CPOX: variants seen among roughly 807,000 people sequenced by gnomAD.
CPOX encodes the protein coproporphyrinogen oxidase.
In CPOX, 24 loss-of-function variants were observed where a neutral mutation model predicts 48.9. The ratio of observed to expected loss-of-function variants is 0.49; its 90% confidence interval spans 0.36 to 0.69. CPOX has a LOEUF of 0.69. CPOX is among the 30% of genes least tolerant of loss of function. The pLI, the probability that CPOX is intolerant of heterozygous loss-of-function variation, is 0.00. For missense variants in CPOX, 549 were observed against 597.3 expected, an observed-to-expected ratio of 0.92 and a Z score of 0.84; for synonymous variants, 249 against 234.6, an observed-to-expected ratio of 1.06 and a Z score of -0.56.
chr3:98,570,860 A>G, the CPOX span, among the ~76,000 whole-genome samples: 11 of 152,168 alleles, frequency 7.2e-5, no homozygotes, highest in African/African-American at 2.2e-4. Context: ...GGTATTTGTC[A>G]TTAGCTTTTC....
At chr3:98,585,721 T>C in intron 4 of CPOX, 62 bp from the exon 5 acceptor site, 7 of 1,318,744 alleles carry the variant, frequency 5.3e-6, no homozygotes, top group Non-Finnish European at 7.7e-6. Context: ...TGAAAATCAA[T>C]GTGAGCCTTT....
rs1707220106 is a variant in CPOX at position 98,579,950 on chromosome 3, A to C, written c.*733T>G. On this transcript the variant is annotated 3_prime_UTR_variant, in exon 7 of 7. Transcript: ENST00000647941. ...TTAAGTATCAGAATTCAGGGATATAAGCTTTCACATTCAAAAGTGCAGAGA... is the reference window on the plus strand; with the variant it reads ...TTAAGTATCAGAATTCAGGGATATACGCTTTCACATTCAAAAGTGCAGAGA... 3.0e-6 allele frequency: 3 copies of C among 985,852 alleles called. No homozygotes were observed. The South Asian group carries it at 1.4e-4, about 46-fold the overall frequency. The allele number at this position is 985,852 out of a possible 1,614,324, so 61.1% of individuals were successfully genotyped here.
At position 98,580,191 on chromosome 3, in the gene CPOX, A is replaced by G. The variant is rs1292773301; in HGVS notation, c.*492T>C. ...CTCTGGAGAAAGATATATAAGGATT[A>G]CAGCAGAGACTTCAGTATTGACAAA... On this transcript the variant is annotated 3_prime_UTR_variant, in exon 7 of 7. Transcript: ENST00000647941. 1 of 990,464 alleles carries G rather than the reference A, an allele frequency of 1.0e-6. No individual in the cohort carries two copies. The highest frequency in any genetic ancestry group is 4.5e-5 in the South Asian group (1 of 22,116). The allele number at this position is 990,464 out of a possible 1,614,324, so 61.4% of individuals were successfully genotyped here.
downstream of CPOX, chr3:98,578,237 TA>T: frequency 1.0e-6 from 1 of 971,460 alleles, no homozygotes; most frequent in Non-Finnish European, 1.2e-6. Flanking sequence ...AGACATAGTC[TA>T]ATCCATAGTA....
chr3:98,583,500 A>G (rs1205837160), intron 5 of CPOX, among the ~76,000 whole-genome samples: 2 of 152,176 alleles, frequency 1.3e-5, no homozygotes, highest in Non-Finnish European at 2.9e-5. Context: ...ACTTTAACCA[A>G]TCCCTTCAAT....
chr3:98,581,430 C>A lies in CPOX; in HGVS notation c.1254G>T (p.Leu418Phe). Residue 418 changes from leucine (L) to phenylalanine (F), a missense_variant, in exon 6 of 7, where the codon TTG (leucine) becomes TTT (phenylalanine). Leu to Phe is a conservative substitution (Grantham distance 22). Around this residue, in one of 2 missense-constraint regions of CPOX, gnomAD observed 213 missense variants for 279.1 expected, o/e 0.76. Coordinates refer to ENST00000647941, the MANE Select transcript of CPOX (RefSeq NM_000097.7). ...ACCGGGCAGTTAGAGGTAAAGACAT[C>A]AAGATACTTTCAATTCTGGATCCTG... ...FTPGSRIESILMSLPLTARWE... is the reference protein window; with the variant it reads ...FTPGSRIESIFMSLPLTARWE... 6.2e-7 allele frequency: 1 copy of A among 1,613,716 alleles called. No individual in the cohort carries two copies. The highest frequency in any genetic ancestry group is 1.1e-5 in the South Asian group (1 of 91,070).
At position 98,593,229 on chromosome 3, in the gene CPOX, G is replaced by A; in HGVS notation, c.276C>T (p.Ala92=). ...LAGLVGLATA[A]FGHVQRAEML... The stretch of plus-strand genomic sequence containing the variant: ...TCTCCGCCCGCTGCACATGCCCGAA[G>A]GCGGCGGTGGCCAGCCCCACCAACC... Residue 92 remains alanine, a synonymous_variant, in exon 1 of 7, where the codon GCC becomes GCT. Coordinates refer to ENST00000647941, the MANE Select transcript of CPOX (RefSeq NM_000097.7). 6.4e-7 allele frequency: 1 copy of A among 1,554,526 alleles called. No individual in the cohort carries two copies.
downstream of CPOX, among the ~76,000 whole-genome samples, chr3:98,577,487 G>C (rs1379056976): frequency 6.6e-6 from 1 of 152,136 alleles, no homozygotes; most frequent in East Asian, 1.9e-4. Flanking sequence ...ATTTCAAAGG[G>C]GGACTCAACA....
chr3:98,580,668 G>A lies in CPOX; in HGVS notation c.*15C>T. 13 of 1,614,078 alleles carry A rather than the reference G, an allele frequency of 8.1e-6. No homozygotes were observed. Among genetic ancestry groups the A allele is most frequent in the Non-Finnish European group, 1.1e-5 (13 of 1,179,980 alleles). The stretch of plus-strand genomic sequence containing the variant: ...CGTGTGCCCTCCAAACCCCTGCACA[G>A]CCATTCTGCCTGCATCAACGCACCC... On this transcript the variant is annotated 3_prime_UTR_variant, in exon 7 of 7. Coordinates refer to ENST00000647941, the MANE Select transcript of CPOX (RefSeq NM_000097.7).
In CPOX at chr3:98,580,280, A is replaced by G. The variant is rs1707228754; in HGVS notation, c.*403T>C. The G allele has an allele frequency of 3.0e-6, 3 of 1,003,178 alleles. No homozygotes were observed. In the African/African-American group the frequency reaches 5.2e-5, roughly 17 times the overall value. 62.1% of individuals were successfully genotyped at this position (1,003,178 alleles called of 1,614,324 possible). ...ATGAAGTCTCAACTTCACTGAATTA[A>G]TGAAAATAAAATATATTCCACGACA... On this transcript the variant is annotated 3_prime_UTR_variant, in exon 7 of 7. Coordinates refer to ENST00000647941, the MANE Select transcript of CPOX (RefSeq NM_000097.7).
downstream of CPOX, among the ~76,000 whole-genome samples, chr3:98,579,218 T>A (rs1428695523): frequency 1.3e-5 from 2 of 152,234 alleles, no homozygotes; most frequent in African/African-American, 4.8e-5. Context: ...ATAATACATA[T>A]AACATAAAAC....
Position 98,580,705 on chromosome 3 carries a change from T to C in CPOX, c.1343A>G (p.His448Arg), listed in dbSNP as rs374154452. Reference sequence around the variant, plus strand: ...GCATCAACGCACCCAGTCCCTTGGATGGCGTAGAACTTCCAGAATTTCAGC... The same window carrying C: ...GCATCAACGCACCCAGTCCCTTGGACGGCGTAGAACTTCCAGAATTTCAGC... Reference protein sequence around the residue: ...KEAEILEVLRHPRDWVR With the variant: ...KEAEILEVLRRPRDWVR Residue 448 changes from histidine to arginine, a missense_variant, in exon 7 of 7, where the codon CAT becomes CGT. His to Arg is a conservative substitution (Grantham distance 29, BLOSUM62 0). This residue lies in a region of CPOX where 213 missense variants were observed against 279.1 expected (regional missense o/e 0.76). Transcript: ENST00000647941. The C allele has an allele frequency of 4.3e-6, 7 of 1,614,082 alleles. No homozygotes were observed. The African/African-American group carries it at 9.3e-5, about 22-fold the overall frequency.
At position 98,585,543 on chromosome 3, in the gene CPOX, C is replaced by T. The variant is rs781577964; in HGVS notation, c.1070G>A (p.Cys357Tyr). ...KEEVFRFVQS[C>Y]ARAVVPSYIP... ...GTAAGAAGGAACTACAGCCCTGGCA[C>T]AGCTCTGTACAAAGCGAAACACCTC... Residue 357 changes from cysteine to tyrosine, a missense_variant, in exon 5 of 7, where the codon TGT becomes TAT. This residue lies in a region of CPOX where 213 missense variants were observed against 279.1 expected (regional missense o/e 0.76). Coordinates refer to ENST00000647941, the MANE Select transcript of CPOX (RefSeq NM_000097.7). 6.8e-6 allele frequency: 11 copies of T among 1,614,116 alleles called. No individual in the cohort carries two copies. The highest frequency in any genetic ancestry group is 9.3e-6 in the Non-Finnish European group (11 of 1,180,016).
chr3:98,571,346 G>A, the CPOX span, among the ~76,000 whole-genome samples: 2 of 152,112 alleles, frequency 1.3e-5, no homozygotes, highest in African/African-American at 2.4e-5. Context: ...TTGAGAAATA[G>A]TTTATTTTCA....
In CPOX at chr3:98,593,449, C is replaced by T; in HGVS notation, c.56G>A (p.Gly19Asp). 2.0e-6 allele frequency: 3 copies of T among 1,490,836 alleles called. No homozygotes were observed. Among genetic ancestry groups the T allele is most frequent in the Non-Finnish European group, 2.7e-6 (3 of 1,127,112 alleles). 92.4% of individuals were successfully genotyped at this position (1,490,836 alleles called of 1,614,324 possible). The change falls in exon 1 of 7, where the codon GGC becomes GAC. Residue 19 changes from glycine (G) to aspartate (D), a missense_variant. Coordinates refer to ENST00000647941, the MANE Select transcript of CPOX (RefSeq NM_000097.7). ...SSGPCWLVAR[G>D]GCGGPRAWSQ... ...CCAGGCGCGGGGCCCTCCGCAGCCG[C>T]CCCGCGCCACGAGCCAGCAGGGGCC...
At chr3:98,575,094 A>G (rs79757654), downstream of CPOX, among the ~76,000 whole-genome samples, 355 of 152,338 alleles carry the variant, frequency 2.3e-3, 2 homozygotes, top group African/African-American at 8.2e-3. Flanking sequence ...GAGCATAGAT[A>G]AATTGCTATA....
In CPOX at chr3:98,593,490, C is replaced by A. The variant is rs904135967; in HGVS notation, c.15G>T (p.Leu5=). Reference sequence around the variant, plus strand: ...AGCAGGGGCCCGAGCTCAGCCTGCCCAGCTGCAAGGCCATGTTCCCGCACT... The same window carrying A: ...AGCAGGGGCCCGAGCTCAGCCTGCCAAGCTGCAAGGCCATGTTCCCGCACT... MALQ[L]GRLSSGPCWL... Residue 5 remains leucine, a synonymous_variant, in exon 1 of 7, where the codon CTG becomes CTT. Coordinates refer to ENST00000647941, the MANE Select transcript of CPOX (RefSeq NM_000097.7). 5 of 1,519,652 alleles carry A rather than the reference C, an allele frequency of 3.3e-6. No homozygotes were observed. In the African/African-American group the frequency reaches 5.6e-5, roughly 17 times the overall value. 94.1% of individuals were successfully genotyped at this position (1,519,652 alleles called of 1,614,324 possible).
chr3:98,579,995 A>G lies in CPOX; in HGVS notation c.*688T>C, dbSNP rs1179460614. 2.0e-6 allele frequency: 2 copies of G among 985,144 alleles called. No individual in the cohort carries two copies. The highest frequency in any genetic ancestry group is 2.4e-6 in the Non-Finnish European group (2 of 829,364). The allele number at this position is 985,144 out of a possible 1,614,324, so 61.0% of individuals were successfully genotyped here. Reference sequence around the variant, plus strand: ...CAGAGAATCCCAACATTAACAAACAATGGTTCCACAAAAATCAAAATTACA... The same window carrying G: ...CAGAGAATCCCAACATTAACAAACAGTGGTTCCACAAAAATCAAAATTACA... On this transcript the variant is annotated 3_prime_UTR_variant, in exon 7 of 7. Transcript: ENST00000647941.
intron 4 of CPOX, among the ~76,000 whole-genome samples, chr3:98,586,873 G>A (rs1295444319): frequency 6.6e-6 from 1 of 152,142 alleles, no homozygotes; most frequent in Non-Finnish European, 1.5e-5. Flanking sequence ...GAACCCGGAA[G>A]GCAGAGCTTG....
Sources: allele counts gnomAD v4.1 joint callset (sites outside exome capture counted in the v4.1 genomes callset), GRCh38; gene constraint gnomAD v4.1.1; regional missense constraint gnomAD v4.1.1; transcripts MANE v1.5; gene names NCBI Gene and HGNC (gene_info 2026-07-23, HGNC 2026-07-21).